RGS6: variants seen among roughly 807,000 people sequenced by gnomAD.
RGS6 encodes the protein regulator of G protein signaling 6.
A neutral mutation model predicts 78.5 loss-of-function variants in RGS6; 30 were observed. That is an observed-to-expected ratio of 0.38 (90% CI 0.29 to 0.52). RGS6 has a LOEUF of 0.52. RGS6 is among the 20% of genes least tolerant of loss of function. RGS6 has a pLI of 0.85. For missense variants in RGS6, 495 were observed against 609.7 expected, an observed-to-expected ratio of 0.81 and a Z score of 1.98; for synonymous variants, 206 against 206.0, an observed-to-expected ratio of 1.00 and a Z score of 0.00.
At chr14:72,147,865 C>T (rs1223062822) in intron 2 of RGS6, among the ~76,000 whole-genome samples, 3 of 152,150 alleles carry the variant, frequency 2.0e-5, no homozygotes, top group East Asian at 1.9e-4. Context: ...GGTGCAGTGG[C>T]TCATGCCTGT....
intron 2 of RGS6, among the ~76,000 whole-genome samples, chr14:72,135,656 T>TC (rs1268890068): frequency 6.6e-6 from 1 of 152,140 alleles, no homozygotes; most frequent in Non-Finnish European, 1.5e-5. Context: ...CCTCACCTTC[T>TC]CCTAACATTT....
chr14:72,622,306 A>C, the RGS6 span, among the ~76,000 whole-genome samples: 1 of 152,198 alleles, frequency 6.6e-6, no homozygotes, highest in African/African-American at 2.4e-5. Context: ...CAGGCAGAGA[A>C]AAAAAGACTG....
chr14:72,013,915 T>A (rs1381362628), intron 2 of RGS6, among the ~76,000 whole-genome samples: 2 of 152,212 alleles, frequency 1.3e-5, no homozygotes, highest in Non-Finnish European at 2.9e-5. Flanking sequence ...CATGTGCTGT[T>A]CCCTTGTGTG....
intron 6 of RGS6, among the ~76,000 whole-genome samples, chr14:72,463,755 C>G (rs2095839043): frequency 6.6e-6 from 1 of 152,248 alleles, no homozygotes; most frequent in South Asian, 2.1e-4. Flanking sequence ...CCCAGTCGAG[C>G]TGGTGACATG....
chr14:72,541,681 AGGATGGTTAGG>A, intron 17 of RGS6: 1 of 1,499,942 alleles, frequency 6.7e-7, no homozygotes, highest in Non-Finnish European at 8.9e-7. Context: ...GTGCGGGTGG[AGGATGGTTAGG>A]GATTTTGCTG....
chr14:72,234,363 T>G (rs2050435153), intron 2 of RGS6, among the ~76,000 whole-genome samples: 1 of 151,682 alleles, frequency 6.6e-6, no homozygotes. Flanking sequence ...TCTTGACTCA[T>G]AAGAGACTGA....
chr14:72,281,104 C>T (rs2061490966), intron 2 of RGS6, among the ~76,000 whole-genome samples: 1 of 149,634 alleles, frequency 6.7e-6, no homozygotes, highest in Non-Finnish European at 1.5e-5. Context: ...ACAAATAAGG[C>T]ATATGTAGCA....
At chr14:72,354,695 G>A (rs2152751956) in intron 3 of RGS6, among the ~76,000 whole-genome samples, 1 of 152,064 alleles carries the variant, frequency 6.6e-6, no homozygotes, top group South Asian at 2.1e-4. Flanking sequence ...CATTTGTGAG[G>A]GGCCCTCCTT....
chr14:72,319,815 G>A (rs566722344), intron 2 of RGS6, among the ~76,000 whole-genome samples: 7 of 152,286 alleles, frequency 4.6e-5, no homozygotes, highest in South Asian at 2.1e-4. Flanking sequence ...TTTGGGTGAC[G>A]AGGAAGATCC....
chr14:72,004,714 A>G (rs2084171320), intron 2 of RGS6, among the ~76,000 whole-genome samples: 2 of 152,118 alleles, frequency 1.3e-5, no homozygotes, highest in African/African-American at 2.4e-5. Context: ...GGTCCCAGCT[A>G]CTCAGGTGGC....
chr14:71,876,258 C>T, the RGS6 span, among the ~76,000 whole-genome samples: 1 of 151,980 alleles, frequency 6.6e-6, no homozygotes, highest in East Asian at 1.9e-4. Flanking sequence ...TAAAGTCTCC[C>T]ATTATTATTG....
At chr14:72,120,971 G>A (rs921010598) in intron 2 of RGS6, among the ~76,000 whole-genome samples, 3 of 152,194 alleles carry the variant, frequency 2.0e-5, no homozygotes, top group African/African-American at 7.2e-5. Flanking sequence ...TAAAAGTTGA[G>A]TTTGAAGATT....
intron 2 of RGS6, among the ~76,000 whole-genome samples, chr14:71,986,763 A>G (rs1291784869): frequency 1.3e-5 from 2 of 152,154 alleles, no homozygotes; most frequent in African/African-American, 4.8e-5. Flanking sequence ...TAATTCTAGA[A>G]ATCAGGAGTG....
chr14:72,063,182 A>T (rs540816657), intron 2 of RGS6, among the ~76,000 whole-genome samples: 1 of 152,266 alleles, frequency 6.6e-6, no homozygotes, highest in South Asian at 2.1e-4. Context: ...GAAGAACTGA[A>T]TCTGGGGTGC....
intron 12 of RGS6, among the ~76,000 whole-genome samples, chr14:72,494,071 G>C (rs1162463025): frequency 6.6e-6 from 1 of 152,186 alleles, no homozygotes; most frequent in East Asian, 1.9e-4. Flanking sequence ...TTTCGAGCAA[G>C]AAGACTAAAG....
At chr14:72,455,143 AT>A (rs2095597946) in intron 4 of RGS6, among the ~76,000 whole-genome samples, 1 of 98,870 alleles carries the variant, frequency 1.0e-5, no homozygotes, top group Non-Finnish European at 2.4e-5. Context: ...TCACAGTGTA[AT>A]TAGGAAATGG....
rs534454184 is a variant in RGS6 at position 72,341,970 on chromosome 14, G to A, written c.85-10125G>A. ...ATATTCCAGGACACTGGATGGACTT[G>A]TTTTTCTTTGGAAACAAGGTTATTG... is the stretch of plus-strand genomic sequence containing the variant. On this transcript the variant is annotated intron_variant, in intron 2 of 17. Transcript: ENST00000553525. 5.9e-5 allele frequency among the ~76,000 whole-genome samples: 9 copies of A among 152,254 alleles called. No homozygotes were observed. The South Asian group carries it at 1.0e-3, about 18-fold the overall frequency.
intron 2 of RGS6, among the ~76,000 whole-genome samples, chr14:72,220,949 C>T (rs2046725085): frequency 6.6e-6 from 1 of 152,258 alleles, no homozygotes; most frequent in African/African-American, 2.4e-5. Context: ...GACTCACACT[C>T]CCAACCTCCC....
chr14:72,387,897 C>T (rs1014031249), intron 3 of RGS6, among the ~76,000 whole-genome samples: 2 of 152,142 alleles, frequency 1.3e-5, no homozygotes, highest in African/African-American at 4.8e-5. Context: ...TGTAGATGGC[C>T]GCCTTCTCAC....
Sources: gnomAD v4.1 joint callset for allele counts (sites outside exome capture counted in the v4.1 genomes callset) on GRCh38, gnomAD v4.1.1 for gene constraint, MANE v1.5 for transcripts, NCBI Gene and HGNC (gene_info 2026-07-23, HGNC 2026-07-21) for gene names.